The following TMEFF2 variants were observed in gnomAD, a reference collection of about 807,000 sequenced individuals.
The protein encoded by TMEFF2 is transmembrane protein with EGF like and two follistatin like domains 2.
In TMEFF2, 28 loss-of-function variants were observed where a neutral mutation model predicts 53.8. The observed-to-expected ratio is 0.52, with a 90% CI of 0.39 to 0.71. The LOEUF (loss-of-function observed/expected upper bound fraction) is 0.71. Among genes scored for constraint, TMEFF2 ranks in the 30% least tolerant of loss-of-function variants. The pLI is 0.00. For missense variants in TMEFF2, 353 were observed against 455.2 expected (o/e 0.78, Z 2.04); for synonymous variants, 162 against 166.3 (o/e 0.97, Z 0.20).
At position 191,949,578 on chromosome 2, in the gene TMEFF2, C is replaced by CAGTA. The variant is rs751378830; in HGVS notation, c.*729_*732dup. 3.8e-5 allele frequency: 37 copies of CAGTA among 985,346 alleles called. No homozygotes were observed. The South Asian group carries it at 1.0e-3, about 28-fold the overall frequency. The allele number at this position is 985,346 out of a possible 1,614,324, so 61.0% of individuals were successfully genotyped here. ...GTGTATACCTAGTATGTAACTTGTT[C>CAGTA]AGTAAGTTCAGATATATGCACTTAA... On this transcript the variant is annotated 3_prime_UTR_variant, in exon 10 of 10. Coordinates refer to ENST00000272771, the MANE Select transcript of TMEFF2 (RefSeq NM_016192.4).
chr2:192,022,059 A>C (rs1686871249), intron 5 of TMEFF2: 1 of 152,178 alleles, frequency 6.6e-6, no homozygotes, highest in Non-Finnish European at 1.5e-5. Flanking sequence ...AATTGTCTGG[A>C]AGTGAAGCTA....
intron 4 of TMEFF2, among the ~76,000 whole-genome samples, chr2:192,091,888 C>T (rs1688797828): frequency 6.6e-6 from 1 of 152,076 alleles, no homozygotes; most frequent in Non-Finnish European, 1.5e-5. Flanking sequence ...TGCTGAAACC[C>T]TGTCCTCACT....
At position 192,032,008 on chromosome 2, in the gene TMEFF2, A is replaced by G. The variant is rs1687150358; in HGVS notation, c.536+25671T>C. ...ACTGAACAGCAACAAATACTTTAAC[A>G]GTTAAAAATAAAATTGATTGGTCTG... is the stretch of plus-strand genomic sequence containing the variant. On this transcript the variant is annotated intron_variant, in intron 5 of 9. Coordinates refer to ENST00000272771, the MANE Select transcript of TMEFF2 (RefSeq NM_016192.4). The G allele has an allele frequency of 2.6e-5, 4 of 152,234 alleles. No individual in the cohort carries two copies. In the South Asian group the frequency reaches 6.2e-4, roughly 24 times the overall value. 9.4% of individuals were successfully genotyped at this position (152,234 alleles called of 1,614,324 possible).
At position 192,194,353 on chromosome 2, in the gene TMEFF2, C is replaced by T. The variant is rs1445643158; in HGVS notation, c.172G>A (p.Gly58Ser). 1 of 1,613,982 alleles carries T rather than the reference C, an allele frequency of 6.2e-7. No homozygotes were observed. Among genetic ancestry groups the T allele is most frequent in the African/African-American group, 1.3e-5 (1 of 75,044 alleles). ...CQTPTGWNCSGYDDRENDLFL... is the reference protein window; with the variant it reads ...CQTPTGWNCSSYDDRENDLFL... Reference sequence around the variant, plus strand: ...TCGGGGACGGGGGTTCTGGACTTACCAGAGCAATTCCAGCCGGTGGGCGTT... The same window carrying T: ...TCGGGGACGGGGGTTCTGGACTTACTAGAGCAATTCCAGCCGGTGGGCGTT... Residue 58 changes from glycine to serine, a missense_variant and splice_region_variant, in exon 1 of 10, where the codon GGT (glycine) becomes AGT (serine). Gly to Ser is a moderately conservative substitution (Grantham distance 56). Around this residue, in one of 3 missense-constraint regions of TMEFF2, gnomAD observed 294 missense variants for 397.3 expected, o/e 0.74. Transcript: ENST00000272771. This position sits in a 1 kb window ranked among gnomAD's most constrained non-coding sequence, Gnocchi z 4.2.
chr2:192,165,625 T>A (rs1051906290), intron 4 of TMEFF2, among the ~76,000 whole-genome samples: 1 of 152,044 alleles, frequency 6.6e-6, no homozygotes, highest in Non-Finnish European at 1.5e-5. Context: ...GAAAGCAGCA[T>A]ACCTAAAAGT....
chr2:191,973,893 T>C (rs149516597), intron 7 of TMEFF2, among the ~76,000 whole-genome samples: 134 of 152,300 alleles, frequency 8.8e-4, no homozygotes, highest in African/African-American at 3.0e-3. Flanking sequence ...GCTGTCACCA[T>C]GTGAAGAAGG....
chr2:191,989,816 C>T (rs901451971), intron 7 of TMEFF2, among the ~76,000 whole-genome samples: 1 of 152,140 alleles, frequency 6.6e-6, no homozygotes, highest in Non-Finnish European at 1.5e-5. Context: ...CCAAAAACTT[C>T]CCAAAGCTCA....
intron 5 of TMEFF2, among the ~76,000 whole-genome samples, chr2:192,013,520 A>G (rs1381085275): frequency 6.7e-6 from 1 of 150,118 alleles, no homozygotes; most frequent in African/African-American, 2.5e-5. Flanking sequence ...GCACAATCTC[A>G]CTGCACTGTA....
intron 4 of TMEFF2, among the ~76,000 whole-genome samples, chr2:192,066,151 T>C (rs1574342095): frequency 6.6e-6 from 1 of 151,926 alleles, no homozygotes; most frequent in East Asian, 1.9e-4. Context: ...ATATGAATAA[T>C]AGTTATACTG....
chr2:191,999,591 G>C (rs1323862050), intron 5 of TMEFF2, among the ~76,000 whole-genome samples: 1 of 151,886 alleles, frequency 6.6e-6, no homozygotes, highest in Non-Finnish European at 1.5e-5. Flanking sequence ...TTCTTTTCTT[G>C]GGATATTTGA....
intron 5 of TMEFF2, among the ~76,000 whole-genome samples, chr2:192,015,666 T>C (rs1686727947): frequency 6.6e-6 from 1 of 152,160 alleles, no homozygotes; most frequent in Non-Finnish European, 1.5e-5. Context: ...GGTGACCACT[T>C]AATAAGTAGC....
At chr2:191,955,827 T>C (rs953438306) in intron 8 of TMEFF2, among the ~76,000 whole-genome samples, 2 of 152,070 alleles carry the variant, frequency 1.3e-5, no homozygotes, top group Non-Finnish European at 2.9e-5. Context: ...TGAGAAGACC[T>C]GAAGGACTTA....
intron 4 of TMEFF2, among the ~76,000 whole-genome samples, chr2:192,069,988 G>GTATATATATA (rs55800219): frequency 3.4e-5 from 4 of 118,880 alleles, no homozygotes; most frequent in South Asian, 2.6e-4. Context: ...GTGTGTGTGT[G>GTATATATATA]TATATATATA....
chr2:192,037,273 T>TAAAGAAAGAAAGAAAGAAAGAAAGAAAG (rs58233148), intron 5 of TMEFF2, among the ~76,000 whole-genome samples: 15 of 94,762 alleles, frequency 1.6e-4, no homozygotes, highest in East Asian at 1.3e-3. Context: ...CTAGCCAAAA[T>TAAAGAAAGAAAGAAAGAAAGAAAGAAAG]AAAGAAAGAA....
At chr2:191,998,933 T>C in intron 6 of TMEFF2, 127 bp downstream of exon 6, 1 of 925,144 alleles carries the variant, frequency 1.1e-6, no homozygotes, top group Non-Finnish European at 1.6e-6. Flanking sequence ...TAGACTCTAC[T>C]ATCCATTGTA....
chr2:192,193,860 G>C (rs1488060319), intron 1 of TMEFF2, among the ~76,000 whole-genome samples: 1 of 151,608 alleles, frequency 6.6e-6, no homozygotes, highest in Non-Finnish European at 1.5e-5. Context: ...GGTCTTCAAC[G>C]GGAGACCAGT....
chr2:191,980,596 T>A (rs898946684), intron 7 of TMEFF2, among the ~76,000 whole-genome samples: 11 of 152,080 alleles, frequency 7.2e-5, no homozygotes, highest in African/African-American at 2.7e-4. Flanking sequence ...GTTACCCAGG[T>A]ATTTATTTGG....
intron 4 of TMEFF2, among the ~76,000 whole-genome samples, chr2:192,067,667 T>C (rs1688198736): frequency 6.6e-6 from 1 of 151,896 alleles, no homozygotes; most frequent in Non-Finnish European, 1.5e-5. Context: ...GCAAATGGCA[T>C]TTGGTTTTGA....
chr2:192,100,535 C>T (rs1689010042), intron 4 of TMEFF2, among the ~76,000 whole-genome samples: 1 of 152,074 alleles, frequency 6.6e-6, no homozygotes, highest in Non-Finnish European at 1.5e-5. Flanking sequence ...AAGAATGACC[C>T]TTTTATTAAT....
Sources: allele counts gnomAD v4.1 joint callset (sites outside exome capture counted in the v4.1 genomes callset), GRCh38; gene constraint gnomAD v4.1.1; regional missense constraint gnomAD v4.1.1; non-coding constraint Gnocchi (gnomAD v3.1); transcripts MANE v1.5; gene names NCBI Gene and HGNC (gene_info 2026-07-23, HGNC 2026-07-21).